SCN11A: variants seen among roughly 807,000 people sequenced by gnomAD.
The protein encoded by SCN11A is sodium voltage-gated channel alpha subunit 11.
SCN11A carries 122 observed loss-of-function variants against 162.2 expected under a neutral mutation model. The observed-to-expected ratio is 0.75, with a 90% CI of 0.65 to 0.87. The LOEUF (loss-of-function observed/expected upper bound fraction) is 0.87. Among genes scored for constraint, SCN11A ranks in the 40% least tolerant of loss-of-function variants. SCN11A has a pLI of 0.00. For synonymous variants in SCN11A, 758 were observed against 751.5 expected (o/e 1.01, Z -0.14); for missense variants, 2,015 against 2,181.6 (o/e 0.92, Z 1.52).
At chr3:39,027,383 A>C (rs537325019) in intron 2 of SCN11A, among the ~76,000 whole-genome samples, 35 of 152,200 alleles carry the variant, frequency 2.3e-4, no homozygotes, top group South Asian at 4.2e-4. Flanking sequence ...TCATTCACTT[A>C]CTCAAGGTTG....
intron 2 of SCN11A, among the ~76,000 whole-genome samples, chr3:38,995,221 C>G (rs1260079823): frequency 6.6e-6 from 1 of 151,698 alleles, no homozygotes; most frequent in Non-Finnish European, 1.5e-5. Context: ...CCCGGGTTCA[C>G]GCCATTCTCC....
At chr3:39,043,854 G>A (rs1024532323) in intron 1 of SCN11A, among the ~76,000 whole-genome samples, 1 of 152,040 alleles carries the variant, frequency 6.6e-6, no homozygotes, top group Non-Finnish European at 1.5e-5. Flanking sequence ...GTAATAAAAA[G>A]GATAAATGCA....
intron 16 of SCN11A, among the ~76,000 whole-genome samples, chr3:38,902,679 G>A (rs902354333): frequency 5.9e-5 from 9 of 151,980 alleles, no homozygotes; most frequent in South Asian, 2.1e-4. Flanking sequence ...CACCATGCCC[G>A]GCTAAATTTT....
chr3:38,918,541 C>T (rs2065996516), intron 11 of SCN11A, among the ~76,000 whole-genome samples: 1 of 152,240 alleles, frequency 6.6e-6, no homozygotes, highest in Non-Finnish European at 1.5e-5. Flanking sequence ...AAACCACCCC[C>T]ACTTCCTGCC....
At chr3:38,969,787 G>A (rs2066805421) in intron 2 of SCN11A, among the ~76,000 whole-genome samples, 1 of 152,218 alleles carries the variant, frequency 6.6e-6, no homozygotes, top group Non-Finnish European at 1.5e-5. Context: ...GAAGCAGCAT[G>A]ATTGGATATC....
intron 2 of SCN11A, among the ~76,000 whole-genome samples, chr3:38,993,673 A>T (rs1361096274): frequency 2.0e-5 from 3 of 152,212 alleles, no homozygotes; most frequent in African/African-American, 7.2e-5. Context: ...ACACCCAAGC[A>T]GTCTTTTTTC....
At chr3:38,851,216 T>C (rs1333904287) in intron 28 of SCN11A, among the ~76,000 whole-genome samples, 1 of 152,206 alleles carries the variant, frequency 6.6e-6, no homozygotes, top group Non-Finnish European at 1.5e-5. Context: ...GTATCTTCAA[T>C]GCTCCATTTG....
chr3:38,962,619 G>A (rs955622642), intron 2 of SCN11A, among the ~76,000 whole-genome samples: 35 of 152,206 alleles, frequency 2.3e-4, no homozygotes, highest in African/African-American at 8.4e-4. Context: ...GGGAGGCTGA[G>A]GCTGATGGAT....
At chr3:38,978,590 G>T (rs558867149) in intron 2 of SCN11A, among the ~76,000 whole-genome samples, 1 of 151,926 alleles carries the variant, frequency 6.6e-6, no homozygotes, top group South Asian at 2.1e-4. Flanking sequence ...AGGTTGCGGT[G>T]AACCGAGATC....
At chr3:38,904,211 G>T (rs1285037690) in intron 15 of SCN11A, 108 bp from the exon 16 acceptor site, 2 of 636,120 alleles carry the variant, frequency 3.1e-6, no homozygotes. Context: ...CCTGATACAT[G>T]ATCAGTTGTG....
chr3:38,856,831 C>T (rs904982490), intron 28 of SCN11A, among the ~76,000 whole-genome samples: 5 of 152,212 alleles, frequency 3.3e-5, no homozygotes, highest in African/African-American at 1.2e-4. Context: ...CACACTAAGA[C>T]AGTAACTACT....
intron 8 of SCN11A, 107 bp from the exon 9 acceptor site, chr3:38,925,616 A>C: frequency 1.4e-6 from 1 of 714,274 alleles, no homozygotes; most frequent in Non-Finnish European, 2.5e-6. Flanking sequence ...TGTGACCTCC[A>C]AGGTGAAATC....
chr3:38,880,114 C>A lies in SCN11A; in HGVS notation c.3229G>T (p.Asp1077Tyr). 6.2e-7 allele frequency: 1 copy of A among 1,605,546 alleles called. No individual in the cohort carries two copies. Among genetic ancestry groups the A allele is most frequent in the Non-Finnish European group, 8.5e-7 (1 of 1,175,328 alleles). ...LLSSGALIFEDVHLENQPKIQ... is the reference protein window; with the variant it reads ...LLSSGALIFEYVHLENQPKIQ... ...TTGGGTTGGTTCTCAAGGTGAACAT[C>A]TTCAAATATCTGAAATGAAAAAGCA... Residue 1077 changes from aspartate (D) to tyrosine (Y), a missense_variant, in exon 23 of 30, where the codon GAT becomes TAT. By Grantham distance (160) the Asp-to-Tyr change is radical. Coordinates refer to ENST00000302328, the MANE Select transcript of SCN11A (RefSeq NM_001349253.2).
intron 23 of SCN11A, among the ~76,000 whole-genome samples, chr3:38,878,326 G>T (rs563502980): frequency 3.3e-5 from 5 of 151,552 alleles, no homozygotes; most frequent in Non-Finnish European, 7.4e-5. Flanking sequence ...AGTGAATTTG[G>T]GCAATTTATA....
chr3:38,935,359 C>G (rs200125563), intron 7 of SCN11A, among the ~76,000 whole-genome samples: 5,323 of 151,996 alleles, frequency 0.035, 195 homozygotes, highest in East Asian at 0.18. Flanking sequence ...TAGCAGAAGG[C>G]AAGAAATAAC....
chr3:38,955,879 C>T (rs925448877), intron 3 of SCN11A, among the ~76,000 whole-genome samples: 1 of 152,132 alleles, frequency 6.6e-6, no homozygotes, highest in Non-Finnish European at 1.5e-5. Flanking sequence ...TCTGGTCAAC[C>T]ACACATCAAT....
chr3:38,899,163 C>G (rs1158838912), intron 17 of SCN11A, among the ~76,000 whole-genome samples: 1 of 152,098 alleles, frequency 6.6e-6, no homozygotes, highest in Admixed American at 6.6e-5. Flanking sequence ...TGGAGGTTTT[C>G]TAGTTCCCCT....
chr3:38,946,674 G>A, intron 6 of SCN11A, 115 bp downstream of exon 6: 1 of 727,534 alleles, frequency 1.4e-6, no homozygotes, highest in Non-Finnish European at 2.4e-6. Context: ...TAGGCACTCA[G>A]CCAGTATTTG....
rs770794467 is a variant in SCN11A, at chr3:38,847,561, T to C, written c.4509A>G (p.Leu1503=). ...CATAGATAAACATAATCAGAAAGAG[T>C]AGAAGACCAATGTTGAACAGAGAAG... ...SLPSLFNIGL[L]LFLIMFIYAI... The change falls in exon 30 of 30, where the codon CTA becomes CTG. Residue 1503 remains leucine (L), a synonymous_variant. Coordinates refer to ENST00000302328, the MANE Select transcript of SCN11A (RefSeq NM_001349253.2). The C allele has an allele frequency of 2.2e-5, 35 of 1,613,798 alleles. No homozygotes were observed. The African/African-American group carries it at 2.7e-4, about 12-fold the overall frequency.
Sources: gnomAD v4.1 joint callset for allele counts (sites outside exome capture counted in the v4.1 genomes callset) on GRCh38, gnomAD v4.1.1 for gene constraint, MANE v1.5 for transcripts, NCBI Gene and HGNC (gene_info 2026-07-23, HGNC 2026-07-21) for gene names.